ZNF804B: variants seen among roughly 807,000 people sequenced by gnomAD.
ZNF804B encodes the protein zinc finger protein 804B.
In ZNF804B, 80 loss-of-function variants were observed where a neutral mutation model predicts 101.4. The ratio of observed to expected loss-of-function variants is 0.79; its 90% CI spans 0.66 to 0.95. The LOEUF is 0.95. Among genes scored for constraint, ZNF804B ranks in the 40% least tolerant of loss-of-function variants. ZNF804B has a pLI of 0.00. For synonymous variants in ZNF804B, 622 were observed against 558.8 expected (o/e 1.11, Z -1.59); for missense variants, 1,673 against 1,561.9 (o/e 1.07, Z -1.20).
At chr7:88,938,092 G>A (rs1307681369) in intron 1 of ZNF804B, among the ~76,000 whole-genome samples, 1 of 152,020 alleles carries the variant, frequency 6.6e-6, no homozygotes, top group Admixed American at 6.6e-5. Flanking sequence ...AGAAAGGTGG[G>A]CCAACTCAAA....
intron 1 of ZNF804B, among the ~76,000 whole-genome samples, chr7:89,052,982 C>G (rs1413934732): frequency 6.6e-6 from 1 of 152,142 alleles, no homozygotes; most frequent in Non-Finnish European, 1.5e-5. Context: ...ATCAACTGTG[C>G]TTAACAAAGT....
intron 1 of ZNF804B, among the ~76,000 whole-genome samples, chr7:89,093,098 A>G (rs1251070949): frequency 6.6e-6 from 1 of 152,178 alleles, no homozygotes. Flanking sequence ...TACTGCATGG[A>G]TTGTTCCAGC....
intron 1 of ZNF804B, among the ~76,000 whole-genome samples, chr7:88,939,137 C>T (rs1793019036): frequency 6.6e-6 from 1 of 151,868 alleles, no homozygotes; most frequent in African/African-American, 2.4e-5. Context: ...CCTTGGTATC[C>T]ATTGGGGATT....
At chr7:88,776,568 T>G (rs7802401) in intron 1 of ZNF804B, among the ~76,000 whole-genome samples, 1,350 of 134,466 alleles carry the variant, frequency 0.01, 32 homozygotes, top group African/African-American at 0.04. Context: ...TTGTTTTTTT[T>G]TTTTTTTTTT....
chr7:88,835,303 T>C (rs1363522237), intron 1 of ZNF804B, among the ~76,000 whole-genome samples: 1 of 151,806 alleles, frequency 6.6e-6, no homozygotes, highest in Non-Finnish European at 1.5e-5. Flanking sequence ...TCACCAGTAC[T>C]CCTGATTGCC....
chr7:88,942,405 A>T (rs1050676700), intron 1 of ZNF804B, among the ~76,000 whole-genome samples: 4 of 151,914 alleles, frequency 2.6e-5, no homozygotes, highest in African/African-American at 7.2e-5. Flanking sequence ...AGTTGACTTT[A>T]TATGTATAAA....
chr7:88,871,244 C>A (rs1791818849), intron 1 of ZNF804B, among the ~76,000 whole-genome samples: 1 of 152,034 alleles, frequency 6.6e-6, no homozygotes, highest in Non-Finnish European at 1.5e-5. Context: ...TCTGAATTAT[C>A]CCTGTGAACT....
At chr7:89,122,640 G>A (rs1790423608) in intron 1 of ZNF804B, among the ~76,000 whole-genome samples, 1 of 152,062 alleles carries the variant, frequency 6.6e-6, no homozygotes, top group African/African-American at 2.4e-5. Flanking sequence ...TAGACAACTG[G>A]TGCCTTGCCA....
intron 2 of ZNF804B, among the ~76,000 whole-genome samples, chr7:89,295,584 A>G (rs1790369363): frequency 6.6e-6 from 1 of 152,106 alleles, no homozygotes; most frequent in African/African-American, 2.4e-5. Context: ...ACAGTTATCA[A>G]TAATTTATAT....
At position 88,905,922 on chromosome 7, in the gene ZNF804B, G is replaced by GT. The variant is rs1225723692; in HGVS notation, c.108+145849dup. Among the ~76,000 whole-genome samples the GT allele has an allele frequency of 6.4e-3, 864 of 134,254 alleles. 13 individuals carry two copies. Among genetic ancestry groups the GT allele is most frequent in the African/African-American group, 0.019 (683 of 36,256 alleles). 88.1% of individuals were successfully genotyped at this position (134,254 alleles called of 152,430 possible). ...TTTTTTTTTTTTTTTGGGGTTGATAGTTTTTTTTTTTAATTACTGATTCAA... is the reference window on the plus strand; with the variant it reads ...TTTTTTTTTTTTTTTGGGGTTGATAGTTTTTTTTTTTTAATTACTGATTCAA... On this transcript the variant is annotated intron_variant, in intron 1 of 3. Coordinates refer to ENST00000333190, the MANE Select transcript of ZNF804B (RefSeq NM_181646.5).
At chr7:89,028,989 G>A (rs1414650795) in intron 1 of ZNF804B, among the ~76,000 whole-genome samples, 1 of 152,100 alleles carries the variant, frequency 6.6e-6, no homozygotes, top group African/African-American at 2.4e-5. Flanking sequence ...TTAGCAAAGT[G>A]GTCCTTTTGT....
At chr7:89,113,769 A>G (rs559435988) in intron 1 of ZNF804B, among the ~76,000 whole-genome samples, 1 of 152,114 alleles carries the variant, frequency 6.6e-6, no homozygotes, top group Admixed American at 6.5e-5. Context: ...TGGCCAACAT[A>G]GTGAAACCTC....
intron 1 of ZNF804B, among the ~76,000 whole-genome samples, chr7:89,044,644 G>A (rs1322920245): frequency 1.3e-5 from 2 of 152,238 alleles, no homozygotes; most frequent in Non-Finnish European, 2.9e-5. Flanking sequence ...AACTTTTTGG[G>A]AACTGGAGTA....
chr7:88,897,439 C>G (rs960279784), intron 1 of ZNF804B, among the ~76,000 whole-genome samples: 4 of 152,152 alleles, frequency 2.6e-5, no homozygotes, highest in Non-Finnish European at 5.9e-5. Context: ...CTCCTAAAGT[C>G]TCCAGAAGGA....
chr7:88,879,020 G>A (rs1377483018), intron 1 of ZNF804B, among the ~76,000 whole-genome samples: 1 of 152,122 alleles, frequency 6.6e-6, no homozygotes, highest in East Asian at 1.9e-4. Context: ...TTAGGTTCAC[G>A]ATGAAAAGGG....
At chr7:88,859,413 T>C (rs1007388332) in intron 1 of ZNF804B, among the ~76,000 whole-genome samples, 7 of 152,040 alleles carry the variant, frequency 4.6e-5, no homozygotes, top group Non-Finnish European at 1.0e-4. Context: ...AAATGGTAAT[T>C]TTATAAGACA....
chr7:88,952,094 A>T (rs1052431650), intron 1 of ZNF804B, among the ~76,000 whole-genome samples: 1 of 151,824 alleles, frequency 6.6e-6, no homozygotes, highest in Admixed American at 6.6e-5. Context: ...ATGGGGGAGA[A>T]ATGTGGCTGT....
chr7:89,103,060 T>TG (rs1274230849), intron 1 of ZNF804B, among the ~76,000 whole-genome samples: 108 of 125,734 alleles, frequency 8.6e-4, no homozygotes, highest in Middle Eastern at 3.7e-3. Flanking sequence ...TTTTTTTTTT[T>TG]TTTTTTTTTT....
At chr7:88,878,124 TCTAAC>T (rs1282303537) in intron 1 of ZNF804B, among the ~76,000 whole-genome samples, 1 of 152,208 alleles carries the variant, frequency 6.6e-6, no homozygotes, top group African/African-American at 2.4e-5. Context: ...AGATAATACT[TCTAAC>T]TTAAGATAAC....
Sources: allele counts gnomAD v4.1 joint callset (sites outside exome capture counted in the v4.1 genomes callset), GRCh38; gene constraint gnomAD v4.1.1; transcripts MANE v1.5; gene names NCBI Gene and HGNC (gene_info 2026-07-23, HGNC 2026-07-21).